The following BNIP2 variants were observed in gnomAD, a reference collection of about 807,000 sequenced individuals.
BNIP2 encodes the protein BCL2/adenovirus E1B 19 kDa protein-interacting protein 2.
In BNIP2, 36 loss-of-function variants were observed where a neutral mutation model predicts 43.4. The observed-to-expected ratio is 0.83, with a 90% CI of 0.64 to 1.10. BNIP2 has a LOEUF of 1.10. BNIP2 is among the 50% of genes least tolerant of loss of function. The probability of loss-of-function intolerance (pLI) is 0.00; values close to 1 mark genes in which losing one functional copy is unlikely to be tolerated. For missense variants in BNIP2, 417 were observed against 374.1 expected, an observed-to-expected ratio of 1.11 and a Z score of -0.95; for synonymous variants, 146 against 121.0, an observed-to-expected ratio of 1.21 and a Z score of -1.35.
chr15:59,680,411 A>C (rs1595703907), intron 2 of BNIP2, 103 bp from the exon 3 acceptor site: 1 of 896,176 alleles, frequency 1.1e-6, no homozygotes, highest in Non-Finnish European at 1.6e-6. Context: ...TTATTTGGAA[A>C]ATGGAATAAA....
intron 9 of BNIP2, among the ~76,000 whole-genome samples, chr15:59,664,383 T>G (rs1200362277): frequency 6.6e-6 from 1 of 152,136 alleles, no homozygotes; most frequent in Non-Finnish European, 1.5e-5. Flanking sequence ...TATAAACTTT[T>G]TTTTTTTCTT....
intron 5 of BNIP2, among the ~76,000 whole-genome samples, chr15:59,674,179 T>C (rs1480846808): frequency 6.6e-6 from 1 of 152,130 alleles, no homozygotes; most frequent in Non-Finnish European, 1.5e-5. Flanking sequence ...CTAAAATATG[T>C]ATGTTTCAAC....
At chr15:59,667,479 G>C (rs1468363919) in intron 9 of BNIP2, among the ~76,000 whole-genome samples, 2 of 152,128 alleles carry the variant, frequency 1.3e-5, no homozygotes, top group Non-Finnish European at 2.9e-5. Context: ...GGTATCAATA[G>C]ATAATAGTTT....
chr15:59,679,980 G>C (rs920138922), intron 3 of BNIP2, among the ~76,000 whole-genome samples: 3 of 152,046 alleles, frequency 2.0e-5, no homozygotes, highest in African/African-American at 7.2e-5. Context: ...CTTTTAAATA[G>C]AGGCAGACCT....
chr15:59,679,203 G>A (rs1337998760), intron 4 of BNIP2: 1 of 182,458 alleles, frequency 5.5e-6, no homozygotes, highest in African/African-American at 2.4e-5. Context: ...ATTTAAGTTG[G>A]TCATTTCACA....
chr15:59,680,463 C>A (rs1373494680), intron 2 of BNIP2, among the ~76,000 whole-genome samples, 155 bp from the exon 3 acceptor site: 1 of 152,152 alleles, frequency 6.6e-6, no homozygotes, highest in African/African-American at 2.4e-5. Flanking sequence ...CTGTCTGTCA[C>A]CTAGGCTGGA....
chr15:59,664,146 A>C, intron 9 of BNIP2, 26 bp from the exon 10 acceptor site: 1 of 1,434,166 alleles, frequency 7.0e-7, no homozygotes, highest in Non-Finnish European at 9.5e-7. Context: ...TATATAAAAT[A>C]AGAAACCAGC....
chr15:59,688,725 G>A (rs1348085129), intron 1 of BNIP2: 21 of 1,535,536 alleles, frequency 1.4e-5, no homozygotes, highest in Admixed American at 2.0e-5. Flanking sequence ...GCGGTTACGA[G>A]GCATACCAGA....
In BNIP2 at chr15:59,659,812, A is replaced by T. The variant is rs1892156203; in HGVS notation, c.*4257T>A. 2 of 152,142 alleles carry T rather than the reference A, an allele frequency of 1.3e-5. No homozygotes were observed. The highest frequency in any genetic ancestry group is 6.5e-5 in the Admixed American group (1 of 15,272). The allele number at this position is 152,142 out of a possible 1,614,324, so 9.4% of individuals were successfully genotyped here. Reference sequence around the variant, plus strand: ...TTTGGTGCTTACGTGCTTTATGTGAATTTTTCATAGCATTTTACTTAGTTC... The same window carrying T: ...TTTGGTGCTTACGTGCTTTATGTGATTTTTTCATAGCATTTTACTTAGTTC... On this transcript the variant is annotated 3_prime_UTR_variant, in exon 10 of 10. Coordinates refer to ENST00000607373, the MANE Select transcript of BNIP2 (RefSeq NM_004330.4).
chr15:59,667,893 T>C (rs1165582642), intron 9 of BNIP2, among the ~76,000 whole-genome samples: 5 of 152,236 alleles, frequency 3.3e-5, no homozygotes, highest in East Asian at 1.9e-4. Flanking sequence ...TAATTGCTAA[T>C]TGGCATCATA....
chr15:59,678,368 A>C, intron 4 of BNIP2: 1 of 1,136,750 alleles, frequency 8.8e-7, no homozygotes, highest in South Asian at 2.4e-5. Context: ...TAATTTGTAG[A>C]GTCATCAAAA....
In BNIP2 at chr15:59,672,614, G is replaced by A. The variant is rs773585405; in HGVS notation, c.575+23C>T. Reference sequence around the variant, plus strand: ...AATTAGCTCACAATTCTGTCCAAATGTTTTTGTTTAATATATACTTACTTA... The same window carrying A: ...AATTAGCTCACAATTCTGTCCAAATATTTTTGTTTAATATATACTTACTTA... On this transcript the variant is annotated intron_variant, in intron 6 of 9. Coordinates refer to ENST00000607373, the MANE Select transcript of BNIP2 (RefSeq NM_004330.4). The A allele has an allele frequency of 2.6e-6, 4 of 1,544,468 alleles. No individual in the cohort carries two copies. In the African/African-American group the frequency reaches 4.1e-5, roughly 16 times the overall value.
rs562662548 is a variant in BNIP2, at chr15:59,682,321, C to T, written c.50+87G>A. On this transcript the variant is annotated intron_variant, in intron 2 of 9. Transcript: ENST00000607373. ...CAGCCTGGGCAACAGAGCAAGACTCCGTCTCAAAAAAAAAAAAAGTAACAT... is the reference window on the plus strand; with the variant it reads ...CAGCCTGGGCAACAGAGCAAGACTCTGTCTCAAAAAAAAAAAAAGTAACAT... 70 of 1,210,622 alleles carry T rather than the reference C, an allele frequency of 5.8e-5. No homozygotes were observed. The Admixed American group carries it at 9.5e-4, about 16-fold the overall frequency. The allele number at this position is 1,210,622 out of a possible 1,614,324, so 75.0% of individuals were successfully genotyped here. A position where few individuals can be genotyped will look rare whatever the true frequency, so the allele number is the denominator to read the frequency against.
At chr15:59,664,616 C>T (rs1371009909) in intron 9 of BNIP2, among the ~76,000 whole-genome samples, 1 of 152,056 alleles carries the variant, frequency 6.6e-6, no homozygotes, top group African/African-American at 2.4e-5. Context: ...CTCCTGACCT[C>T]GTGATCTGCC....
In BNIP2 at chr15:59,663,922, G is replaced by A. The variant is rs529168508; in HGVS notation, c.*147C>T. ...CCAGTACAGCAGTGAACAGTCCCTT[G>A]TATAATACAAAAGTCCATTATGAAA... On this transcript the variant is annotated 3_prime_UTR_variant, in exon 10 of 10. Transcript: ENST00000607373. 2.7e-4 allele frequency: 165 copies of A among 610,718 alleles called. 5 individuals carry two copies. The South Asian group carries it at 4.3e-3, about 16-fold the overall frequency. 37.8% of individuals were successfully genotyped at this position (610,718 alleles called of 1,614,324 possible). A position where few individuals can be genotyped will look rare whatever the true frequency, so the allele number is the denominator to read the frequency against.
Position 59,662,372 on chromosome 15 carries a change from A to C in BNIP2, c.*1697T>G, listed in dbSNP as rs1196598088. On this transcript the variant is annotated 3_prime_UTR_variant, in exon 10 of 10. Transcript: ENST00000607373. ...CAACAACAAGTGTTCCTAAAATGTG[A>C]GCAAGCAATAATCGTTTTGGCTCAA... is the stretch of plus-strand genomic sequence containing the variant. 6.6e-6 allele frequency: 1 copy of C among 152,218 alleles called. No homozygotes were observed. Among genetic ancestry groups the C allele is most frequent in the African/African-American group, 2.4e-5 (1 of 41,458 alleles). 9.4% of individuals were successfully genotyped at this position (152,218 alleles called of 1,614,324 possible).
At chr15:59,688,863 C>G (rs1351236575) in intron 1 of BNIP2, 4 of 1,505,998 alleles carry the variant, frequency 2.7e-6, no homozygotes, top group Admixed American at 4.5e-5. Flanking sequence ...GGTTCCATCC[C>G]GAGCACAACT....
chr15:59,685,283 T>C (rs1475118358), intron 1 of BNIP2, among the ~76,000 whole-genome samples: 2 of 152,134 alleles, frequency 1.3e-5, no homozygotes, highest in Non-Finnish European at 2.9e-5. Context: ...GCGGATCACC[T>C]GAGGTCAGGA....
At chr15:59,672,800 G>T (rs1424995542) in intron 5 of BNIP2, 61 bp from the exon 6 acceptor site, 2 of 1,202,862 alleles carry the variant, frequency 1.7e-6, no homozygotes, top group South Asian at 1.3e-5. Flanking sequence ...ATTTTTAGAA[G>T]ACATCTGTAT....
Sources: gnomAD v4.1 joint callset for allele counts (sites outside exome capture counted in the v4.1 genomes callset) on GRCh38, gnomAD v4.1.1 for gene constraint, MANE v1.5 for transcripts, NCBI Gene and HGNC (gene_info 2026-07-23, HGNC 2026-07-21) for gene names.